BCORL1: variants seen among roughly 807,000 people sequenced by gnomAD.
BCORL1 encodes the protein BCL6 corepressor like 1.
Under a neutral mutation model 87.6 loss-of-function variants are expected in BCORL1, and 7 were observed. That is an observed-to-expected ratio of 0.08 (90% CI 0.05 to 0.15). BCORL1 has a LOEUF of 0.15. BCORL1 is among the 10% of genes least tolerant of loss of function. The pLI is 1.00. For missense variants in BCORL1, 1,215 were observed against 1,499.7 expected (o/e 0.81, Z 3.13); for synonymous variants, 591 against 634.4 (o/e 0.93, Z 1.03).
At chrX:129,998,436 G>A (rs185832138) in intron 1 of BCORL1, among the ~76,000 whole-genome samples, 1 of 111,659 alleles carries the variant, frequency 9.0e-6, no homozygotes, top group East Asian at 2.8e-4. Context: ...ATACAAGTGT[G>A]TAAACCAGCA....
rs776615469 is a variant in BCORL1 at position 130,013,643 on chromosome X, C to A, written c.871C>A (p.Pro291Thr). 17 of 1,209,467 alleles carry A rather than the reference C, an allele frequency of 1.4e-5. No individual in the cohort carries two copies. The highest frequency in any genetic ancestry group is 7.0e-5 in the South Asian group (4 of 56,762). ...GGTGCCTGTGCCAGCTTCTGCTCCC[C>A]CTTCAGGCCCGGTTCCCTTGTCGGC... ...VLVPVPASAP[P>T]SGPVPLSAPA... is the part of the protein sequence containing the mutation. The change falls in exon 4 of 14, where the codon CCT (proline) becomes ACT (threonine). Residue 291 changes from proline (P) to threonine (T), a missense_variant. By Grantham distance (38) the Pro-to-Thr change is conservative. Around this residue, in one of 5 missense-constraint regions of BCORL1, gnomAD observed 861 missense variants for 1,010.0 expected, o/e 0.85. Transcript: ENST00000540052.
At chrX:130,021,357 G>A (rs978017829) in intron 5 of BCORL1, 1 of 672,612 alleles carries the variant, frequency 1.5e-6, no homozygotes, top group Non-Finnish European at 1.8e-6. Flanking sequence ...CTGGGTGCTA[G>A]AATAAGGCTG....
chrX:130,038,638 C>T (rs926606036), intron 10 of BCORL1, among the ~76,000 whole-genome samples: 6 of 111,260 alleles, frequency 5.4e-5, no homozygotes, highest in Admixed American at 1.9e-4. Flanking sequence ...CCCGCCATGA[C>T]GCCCAGCTAA....
intron 11 of BCORL1, among the ~76,000 whole-genome samples, chrX:130,047,006 G>A (rs1243899910): frequency 9.2e-6 from 1 of 109,170 alleles, no homozygotes. Flanking sequence ...TACAGCATGG[G>A]GCCTTTTGTG....
rs1365064260 is a variant in BCORL1, at chrX:130,019,289, T to C, written c.3442-1696T>C. Reference sequence around the variant, plus strand: ...CTAGATGTTCTGTTTTACTTGTTTTTGTCTTCGGAAGTAAAAGTTAATGAT... The same window carrying C: ...CTAGATGTTCTGTTTTACTTGTTTTCGTCTTCGGAAGTAAAAGTTAATGAT... On this transcript the variant is annotated intron_variant, in intron 4 of 13. Coordinates refer to ENST00000540052, the MANE Select transcript of BCORL1 (RefSeq NM_001379451.1). 4.4e-5 allele frequency among the ~76,000 whole-genome samples: 5 copies of C among 112,597 alleles called. No homozygotes were observed. The Admixed American group carries it at 4.7e-4, about 11-fold the overall frequency.
Position 130,055,841 on chromosome X carries a change from C to A in BCORL1, c.5076-13C>A, listed in dbSNP as rs1322284258. 8.4e-7 allele frequency: 1 copy of A among 1,192,995 alleles called. No homozygotes were observed. The highest frequency in any genetic ancestry group is 1.1e-6 in the Non-Finnish European group (1 of 885,668). On this transcript the variant is annotated splice_polypyrimidine_tract_variant and intron_variant, in intron 13 of 13. Coordinates refer to ENST00000540052, the MANE Select transcript of BCORL1 (RefSeq NM_001379451.1). ...CCAGCCTCCTTCAATAACTCCCATC[C>A]TTGCCTTTGCAGGCCCTGCAACTGG...
intron 13 of BCORL1, among the ~76,000 whole-genome samples, chrX:130,053,161 T>C (rs777620813): frequency 1.8e-5 from 2 of 111,161 alleles, no homozygotes; most frequent in Non-Finnish European, 3.8e-5. Context: ...AATAATAAAA[T>C]AAGTCAGTGA....
chrX:130,011,880 G>T (rs1385399556), intron 2 of BCORL1, among the ~76,000 whole-genome samples: 1 of 110,513 alleles, frequency 9.0e-6, no homozygotes, highest in Non-Finnish European at 1.9e-5. Context: ...AGAAGGGAGG[G>T]TGTTGCCTAG....
chrX:130,043,777 TA>T (rs1569388628), intron 11 of BCORL1, among the ~76,000 whole-genome samples: 4 of 23,864 alleles, frequency 1.7e-4, no homozygotes, highest in African/African-American at 9.1e-4. Context: ...TATATATATA[TA>T]TATATATTTT....
intron 8 of BCORL1, 46 bp downstream of exon 8, chrX:130,028,907 GGTCAGAGGAGGCAGGAGGGGGGT>G: frequency 2.4e-6 from 1 of 415,970 alleles, no homozygotes; most frequent in African/African-American, 2.8e-5. Context: ...TGTGGCGGGG[GGTCAGAGGAGGCAGGAGGGGGGT>G]GGGGGATGGG....
chrX:130,056,103 G>A lies in BCORL1; in HGVS notation c.5325G>A (p.Gly1775=). Residue 1775 remains glycine, a synonymous_variant, in exon 14 of 14, where the codon GGG becomes GGA. Transcript: ENST00000540052. Reference sequence around the variant, plus strand: ...AGCCAGACCTACTTCGGCTCCTAGGGTCCGAGGTGGAATTCCAGTCTTGCA... The same window carrying A: ...AGCCAGACCTACTTCGGCTCCTAGGATCCGAGGTGGAATTCCAGTCTTGCA... ...RYEPDLLRLL[G]SEVEFQSCNS is the part of the protein sequence containing the mutation. 4 of 1,182,843 alleles carry A rather than the reference G, an allele frequency of 3.4e-6. No individual in the cohort carries two copies. The highest frequency in any genetic ancestry group is 3.7e-5 in the South Asian group (2 of 53,526).
At chrX:130,051,726 A>C in intron 12 of BCORL1, 134 bp from the exon 13 acceptor site, 1 of 577,198 alleles carries the variant, frequency 1.7e-6, no homozygotes, top group South Asian at 4.8e-5. Flanking sequence ...CGCATCCCTG[A>C]CTAGGGGCCT....
At chrX:130,020,518 G>A (rs1929719483) in intron 4 of BCORL1, among the ~76,000 whole-genome samples, 2 of 112,034 alleles carry the variant, frequency 1.8e-5, no homozygotes, top group Admixed American at 1.9e-4. Context: ...CGTGAAAAGA[G>A]ACAATTTTTC....
intron 8 of BCORL1, among the ~76,000 whole-genome samples, chrX:130,033,443 A>G (rs1191716980): frequency 8.9e-6 from 1 of 112,242 alleles, no homozygotes; most frequent in Admixed American, 9.5e-5. Flanking sequence ...GTAGTTCATT[A>G]TCTCAAAGAC....
chrX:130,047,354 T>C (rs1931817229), intron 11 of BCORL1, among the ~76,000 whole-genome samples: 1 of 111,738 alleles, frequency 8.9e-6, no homozygotes, highest in Non-Finnish European at 1.9e-5. Flanking sequence ...AAGGTCCCTC[T>C]TCATCTGGAC....
intron 6 of BCORL1, 110 bp from the exon 7 acceptor site, chrX:130,024,880 C>G: frequency 9.5e-7 from 1 of 1,052,192 alleles, no homozygotes; most frequent in Non-Finnish European, 1.3e-6. Flanking sequence ...ACTGGCAGAG[C>G]CTGAACTTGA....
intron 11 of BCORL1, among the ~76,000 whole-genome samples, chrX:130,046,142 G>T (rs1301568836): frequency 9.2e-6 from 1 of 109,036 alleles, no homozygotes; most frequent in Non-Finnish European, 1.9e-5. Flanking sequence ...ACAAAAATTA[G>T]CTGGGTATGT....
chrX:129,987,316 T>C (rs1926712487), intron 1 of BCORL1, among the ~76,000 whole-genome samples: 1 of 111,197 alleles, frequency 9.0e-6, no homozygotes, highest in Non-Finnish European at 1.9e-5. Context: ...AAATGCAGAA[T>C]GTGAGAGAAA....
At chrX:130,053,834 G>A (rs771968098) in intron 13 of BCORL1, among the ~76,000 whole-genome samples, 53 of 112,355 alleles carry the variant, frequency 4.7e-4, no homozygotes, top group African/African-American at 1.7e-3. Flanking sequence ...CATCACTAGT[G>A]TGAATGTTCT....
Sources: allele counts gnomAD v4.1 joint callset (sites outside exome capture counted in the v4.1 genomes callset), GRCh38; gene constraint gnomAD v4.1.1; regional missense constraint gnomAD v4.1.1; transcripts MANE v1.5; gene names NCBI Gene and HGNC (gene_info 2026-07-23, HGNC 2026-07-21).